Variants in FUBP3 observed in about 807,000 individuals in gnomAD.
FUBP3 encodes the protein far upstream element-binding protein 3.
Under a neutral mutation model 85.6 loss-of-function variants are expected in FUBP3, and 28 were observed. The ratio of observed to expected loss-of-function variants is 0.33; its 90% CI spans 0.24 to 0.45. FUBP3 has a LOEUF of 0.45. Ranked by LOEUF, FUBP3 falls within the 20% of genes least tolerant of loss-of-function variation. The pLI, the probability that FUBP3 is intolerant of heterozygous loss-of-function variation, is 1.00. For missense variants in FUBP3, 583 were observed against 755.1 expected (o/e 0.77, Z 2.67); for synonymous variants, 271 against 271.4 (o/e 1.00, Z 0.01).
chr9:130,611,943 G>A (rs767475874), intron 3 of FUBP3, among the ~76,000 whole-genome samples: 24 of 152,246 alleles, frequency 1.6e-4, no homozygotes, highest in Middle Eastern at 6.8e-3. Flanking sequence ...GCGTCTCACC[G>A]TTAAAAACAT....
chr9:130,597,987 T>G (rs1830952750), intron 2 of FUBP3, among the ~76,000 whole-genome samples: 1 of 152,198 alleles, frequency 6.6e-6, no homozygotes, highest in Non-Finnish European at 1.5e-5. Context: ...ATTTTCTGTT[T>G]GTGAAGACTT....
At chr9:130,624,750 C>T (rs943074754) in intron 11 of FUBP3, among the ~76,000 whole-genome samples, 1 of 151,854 alleles carries the variant, frequency 6.6e-6, no homozygotes, top group African/African-American at 2.4e-5. Context: ...GATTGAACAC[C>T]CCTGCTCTAA....
intron 2 of FUBP3, among the ~76,000 whole-genome samples, chr9:130,600,869 A>G (rs1233788236): frequency 6.6e-6 from 1 of 150,568 alleles, no homozygotes; most frequent in African/African-American, 2.4e-5. Flanking sequence ...CCAGCTACTC[A>G]GGAGGCTGAG....
rs1829810499 is a variant in FUBP3 at position 130,622,735 on chromosome 9, A to G, written c.799A>G (p.Ile267Val). 1 of 1,595,606 alleles carries G rather than the reference A, an allele frequency of 6.3e-7. No homozygotes were observed. The highest frequency in any genetic ancestry group is 8.6e-7 in the Non-Finnish European group (1 of 1,166,166). ...EVSVPRFAVGIVIGRNGEMIK... is the reference protein window; with the variant it reads ...EVSVPRFAVGVVIGRNGEMIK... ...ATCTGTGCCTAGGTTTGCTGTGGGGATTGTAATAGGAAGAAACGGGGAAAT... is the reference window on the plus strand; with the variant it reads ...ATCTGTGCCTAGGTTTGCTGTGGGGGTTGTAATAGGAAGAAACGGGGAAAT... Residue 267 changes from isoleucine to valine, a missense_variant, in exon 10 of 19, where the codon ATT (isoleucine) becomes GTT (valine). This residue lies in a region of FUBP3 where 404 missense variants were observed against 516.8 expected (regional missense o/e 0.78). Transcript: ENST00000319725.
At chr9:130,595,826 A>G (rs1294272194) in intron 2 of FUBP3, among the ~76,000 whole-genome samples, 1 of 152,220 alleles carries the variant, frequency 6.6e-6, no homozygotes, top group Non-Finnish European at 1.5e-5. Context: ...GCCCCTGAGC[A>G]TCAGCTTGGA....
chr9:130,621,343 T>G (rs1445465518), intron 9 of FUBP3, among the ~76,000 whole-genome samples: 1 of 151,982 alleles, frequency 6.6e-6, no homozygotes. Context: ...AAAAGTATTT[T>G]AAATTAGCCT....
At chr9:130,615,738 T>C (rs1255506724) in intron 6 of FUBP3, among the ~76,000 whole-genome samples, 2 of 152,134 alleles carry the variant, frequency 1.3e-5, no homozygotes, top group Admixed American at 6.6e-5. Flanking sequence ...CAGGTGTCTG[T>C]GAGTGCACAG....
chr9:130,594,116 G>A (rs555302035), intron 1 of FUBP3, among the ~76,000 whole-genome samples: 15 of 152,180 alleles, frequency 9.9e-5, no homozygotes, highest in Admixed American at 3.3e-4. Context: ...TTTATAGGAT[G>A]GGTGTATTCC....
intron 18 of FUBP3, among the ~76,000 whole-genome samples, chr9:130,636,628 C>T (rs778893787): frequency 4.6e-5 from 7 of 152,346 alleles, no homozygotes; most frequent in Middle Eastern, 3.4e-3. Flanking sequence ...AGGCCAAAAA[C>T]GGATTTCTTA....
At chr9:130,626,149 C>T (rs553986650) in intron 11 of FUBP3, 16 of 535,686 alleles carry the variant, frequency 3.0e-5, no homozygotes, top group African/African-American at 1.7e-4. Context: ...TATGTAACCA[C>T]GTGTGTTCGT....
intron 1 of FUBP3, among the ~76,000 whole-genome samples, chr9:130,589,689 ATATATATATATATATATTTTTTTT>A (rs1830512327): frequency 3.5e-5 from 1 of 28,508 alleles, no homozygotes; most frequent in Admixed American, 4.9e-4. Flanking sequence ...ATATATATAT[ATATATATATATATATATTTTTTTT>A]TTTTTTTTTT....
chr9:130,580,794 A>T (rs552706129), intron 1 of FUBP3: 10 of 152,306 alleles, frequency 6.6e-5, no homozygotes, highest in Non-Finnish European at 8.8e-5. Context: ...CATGTTATAT[A>T]TTGATGCTCC....
chr9:130,611,743 TC>T (rs1280752082), intron 3 of FUBP3, among the ~76,000 whole-genome samples: 1 of 151,174 alleles, frequency 6.6e-6, no homozygotes, highest in Admixed American at 6.6e-5. Context: ...TTGGACATTG[TC>T]CACAATACAC....
At chr9:130,615,852 A>C (rs752457441) in intron 6 of FUBP3, among the ~76,000 whole-genome samples, 3 of 152,192 alleles carry the variant, frequency 2.0e-5, no homozygotes, top group Non-Finnish European at 4.4e-5. Context: ...TATGAAGAAG[A>C]AGCGTGGAGT....
At chr9:130,632,678 G>A (rs778618881) in intron 16 of FUBP3, among the ~76,000 whole-genome samples, 5 of 152,164 alleles carry the variant, frequency 3.3e-5, no homozygotes, top group African/African-American at 4.8e-5. Context: ...CCCTGCCTTG[G>A]GTGGCTGCCT....
chr9:130,593,131 G>A lies in FUBP3; in HGVS notation c.85-2352G>A, dbSNP rs150739545. ...TATGTAGCCAGCTCCTCATCATCAC[G>A]TAGGACTCAGATGTCACTCCTCACA... is the stretch of plus-strand genomic sequence containing the variant. On this transcript the variant is annotated intron_variant, in intron 1 of 18. Transcript: ENST00000319725. 3.3e-4 allele frequency among the ~76,000 whole-genome samples: 50 copies of A among 152,202 alleles called. No homozygotes were observed. In the East Asian group the frequency reaches 5.8e-3, roughly 18 times the overall value.
In FUBP3 at chr9:130,620,384, C is replaced by T. The variant is rs1330297079; in HGVS notation, c.697C>T (p.Arg233Ter). The change falls in exon 9 of 19, where the codon CGA (arginine) becomes TGA (stop). Residue 233 changes from arginine to a stop codon, truncating the protein, a stop_gained. Coordinates refer to ENST00000319725, the MANE Select transcript of FUBP3 (RefSeq NM_003934.2). LOFTEE classifies it high-confidence loss of function. ...AAGAGAAATGGTACTAGAGATTATC[C>T]GAGAAAAAGACCAAGCTGACTTTCG... Reference protein sequence around the residue: ...QAREMVLEIIREKDQADFRGV... With the variant: ...QAREMVLEII The T allele has an allele frequency of 1.9e-6, 3 of 1,602,104 alleles. No individual in the cohort carries two copies. The highest frequency in any genetic ancestry group is 1.7e-6 in the Non-Finnish European group (2 of 1,173,084).
intron 2 of FUBP3, 111 bp downstream of exon 2, chr9:130,595,699 A>G (rs1830836440): frequency 4.1e-6 from 3 of 739,092 alleles, no homozygotes; most frequent in Non-Finnish European, 7.6e-6. Context: ...TCTGTTGAGA[A>G]GAAAGGTTGA....
chr9:130,622,144 G>A (rs746325650), intron 9 of FUBP3, among the ~76,000 whole-genome samples: 7 of 151,674 alleles, frequency 4.6e-5, no homozygotes, highest in Non-Finnish European at 8.8e-5. Flanking sequence ...CCAACATGGT[G>A]AAACCCCATC....
Sources: gnomAD v4.1 joint callset for allele counts (sites outside exome capture counted in the v4.1 genomes callset) on GRCh38, gnomAD v4.1.1 for gene constraint, gnomAD v4.1.1 regional missense constraint, MANE v1.5 for transcripts, NCBI Gene and HGNC (gene_info 2026-07-23, HGNC 2026-07-21) for gene names.